TNIP3: variants seen among roughly 807,000 people sequenced by gnomAD.
The protein encoded by TNIP3 is TNFAIP3-interacting protein 3.
A neutral mutation model predicts 54.1 loss-of-function variants in TNIP3; 34 were observed. The ratio of observed to expected loss-of-function variants is 0.63; its 90% confidence interval spans 0.48 to 0.84. The LOEUF (loss-of-function observed/expected upper bound fraction) is 0.84, where lower values mean the gene tolerates loss of function less well. Among genes scored for constraint, TNIP3 ranks in the 40% least tolerant of loss-of-function variants. The probability of loss-of-function intolerance (pLI) is 0.00; values close to 1 mark genes in which losing one functional copy is unlikely to be tolerated. For missense variants in TNIP3, 366 were observed against 387.6 expected, an observed-to-expected ratio of 0.94 and a Z score of 0.47; for synonymous variants, 134 against 136.8, an observed-to-expected ratio of 0.98 and a Z score of 0.14.
At chr4:121,200,411 T>A (rs1340933527) in intron 2 of TNIP3, among the ~76,000 whole-genome samples, 1 of 152,184 alleles carries the variant, frequency 6.6e-6, no homozygotes, top group Non-Finnish European at 1.5e-5. Flanking sequence ...CTGTACCTAG[T>A]TAGAACTTGT....
At chr4:121,213,566 A>C (rs1365976347) in intron 2 of TNIP3, among the ~76,000 whole-genome samples, 2 of 151,962 alleles carry the variant, frequency 1.3e-5, no homozygotes, top group Non-Finnish European at 2.9e-5. Context: ...CTCTACTAAA[A>C]ATACAAAAAA....
Position 121,138,733 on chromosome 4 carries a change from A to G in TNIP3, c.886-49T>C, listed in dbSNP as rs773369937. 5.3e-6 allele frequency: 8 copies of G among 1,513,200 alleles called. No individual in the cohort carries two copies. In the South Asian group the frequency reaches 9.0e-5, roughly 17 times the overall value. The allele number at this position is 1,513,200 out of a possible 1,614,324, so 93.7% of individuals were successfully genotyped here. On this transcript the variant is annotated intron_variant, in intron 9 of 10. Coordinates refer to ENST00000057513, the MANE Select transcript of TNIP3 (RefSeq NM_024873.6). ...TTATAGCAATATGGACTTCAAATAT[A>G]GTGGCATGTCAAAAATACAATTAGG...
chr4:121,177,964 C>A (rs1174692247), intron 3 of TNIP3, among the ~76,000 whole-genome samples: 1 of 152,084 alleles, frequency 6.6e-6, no homozygotes, highest in Non-Finnish European at 1.5e-5. Flanking sequence ...GGGGGCTGTT[C>A]TAGGAGAATT....
intron 3 of TNIP3, among the ~76,000 whole-genome samples, chr4:121,169,941 G>A (rs1299074714): frequency 6.6e-6 from 1 of 152,182 alleles, no homozygotes; most frequent in Non-Finnish European, 1.5e-5. Flanking sequence ...TACATTAGAA[G>A]GCAAATTGGC....
chr4:121,137,930 A>G (rs1560633933), intron 10 of TNIP3: 1 of 456,120 alleles, frequency 2.2e-6, no homozygotes, highest in Non-Finnish European at 4.4e-6. Context: ...TAGAAGTGGG[A>G]TTTTGATTAT....
At chr4:121,161,829 C>T (rs1730471869) in intron 1 of TNIP3, among the ~76,000 whole-genome samples, 1 of 144,354 alleles carries the variant, frequency 6.9e-6, no homozygotes, top group East Asian at 1.9e-4. Flanking sequence ...GAAAATTTAC[C>T]ACCTTTCTTT....
intron 5 of TNIP3, among the ~76,000 whole-genome samples, chr4:121,151,041 G>T (rs1729719455): frequency 6.6e-6 from 1 of 152,188 alleles, no homozygotes; most frequent in Admixed American, 6.5e-5. Context: ...ATTACATTAT[G>T]TTTGGTAATA....
chr4:121,224,733 T>A (rs1433880607), intron 1 of TNIP3, among the ~76,000 whole-genome samples: 1 of 152,210 alleles, frequency 6.6e-6, no homozygotes, highest in Non-Finnish European at 1.5e-5. Flanking sequence ...TTTTATAGCT[T>A]AAAGTTAAGC....
intron 2 of TNIP3, among the ~76,000 whole-genome samples, chr4:121,205,407 A>G (rs967795533): frequency 2.6e-5 from 4 of 152,134 alleles, no homozygotes; most frequent in African/African-American, 9.7e-5. Context: ...CAGAAAGGTA[A>G]AAGAGAGCCA....
At chr4:121,162,173 T>C (rs1282778224) in intron 1 of TNIP3, among the ~76,000 whole-genome samples, 1 of 152,254 alleles carries the variant, frequency 6.6e-6, no homozygotes, top group Non-Finnish European at 1.5e-5. Context: ...GTACAGGAAA[T>C]TGTTCTTTGC....
chr4:121,194,705 G>A (rs1255198379), intron 2 of TNIP3, among the ~76,000 whole-genome samples: 2 of 152,126 alleles, frequency 1.3e-5, no homozygotes, highest in African/African-American at 2.4e-5. Flanking sequence ...AACCTTGAGT[G>A]TCTTCATCTT....
intron 2 of TNIP3, among the ~76,000 whole-genome samples, chr4:121,159,814 G>T (rs2051750739): frequency 6.6e-6 from 1 of 152,230 alleles, no homozygotes; most frequent in Admixed American, 6.5e-5. Context: ...GAAGTTTGTA[G>T]TTTTCTGCAT....
upstream of TNIP3, among the ~76,000 whole-genome samples, chr4:121,166,468 T>C (rs1198609089): frequency 2.0e-4 from 30 of 152,360 alleles, no homozygotes. Flanking sequence ...TCAAGCTTTG[T>C]TTCATGAGAA....
intron 2 of TNIP3, among the ~76,000 whole-genome samples, chr4:121,202,026 A>G (rs1725921115): frequency 1.3e-5 from 2 of 152,198 alleles, no homozygotes; most frequent in South Asian, 4.1e-4. Context: ...TCAAAATACT[A>G]CCATCATTTT....
At chr4:121,188,872 T>C (rs1435937199) in intron 2 of TNIP3, among the ~76,000 whole-genome samples, 1 of 152,198 alleles carries the variant, frequency 6.6e-6, no homozygotes, top group Non-Finnish European at 1.5e-5. Context: ...TTTTGTAAAT[T>C]ATACATTAAC....
intron 9 of TNIP3, among the ~76,000 whole-genome samples, chr4:121,140,576 G>A (rs1729056922): frequency 6.6e-6 from 1 of 152,058 alleles, no homozygotes; most frequent in Non-Finnish European, 1.5e-5. Context: ...TGACTGATTG[G>A]TTTTATAGTT....
At chr4:121,173,655 A>G (rs1244681017) in intron 3 of TNIP3, among the ~76,000 whole-genome samples, 6 of 152,076 alleles carry the variant, frequency 3.9e-5, no homozygotes, top group African/African-American at 1.2e-4. Context: ...TTGAGATGGA[A>G]TCTGGCTCTG....
At chr4:121,207,030 T>C (rs886899069) in intron 2 of TNIP3, among the ~76,000 whole-genome samples, 10 of 152,182 alleles carry the variant, frequency 6.6e-5, no homozygotes, top group Admixed American at 6.5e-5. Flanking sequence ...AAAAATGTGA[T>C]CAGGTAGACG....
At chr4:121,153,043 TA>T (rs1317261933) in intron 5 of TNIP3, among the ~76,000 whole-genome samples, 5 of 152,220 alleles carry the variant, frequency 3.3e-5, no homozygotes, top group Admixed American at 2.0e-4. Flanking sequence ...GTATAGTATG[TA>T]ATTTTAATTA....
Sources: gnomAD v4.1 joint callset for allele counts (sites outside exome capture counted in the v4.1 genomes callset) on GRCh38, gnomAD v4.1.1 for gene constraint, MANE v1.5 for transcripts, NCBI Gene and HGNC (gene_info 2026-07-23, HGNC 2026-07-21) for gene names.